The following MSL2 variants were observed in gnomAD, a reference collection of about 807,000 sequenced individuals.
MSL2 encodes MSL complex subunit 2.
A neutral mutation model predicts 35.8 loss-of-function variants in MSL2; 2 were observed. The ratio of observed to expected loss-of-function variants is 0.06; its 90% CI spans 0.02 to 0.18. The LOEUF (loss-of-function observed/expected upper bound fraction) is 0.18. MSL2 is among the 10% of genes least tolerant of loss of function. MSL2 has a pLI of 1.00. For missense variants in MSL2, 523 were observed against 706.7 expected (o/e 0.74, Z 2.95); for synonymous variants, 296 against 255.7 (o/e 1.16, Z -1.50).
chr3:136,193,633 T>C (rs192196843), intron 1 of MSL2, among the ~76,000 whole-genome samples: 32 of 150,902 alleles, frequency 2.1e-4, no homozygotes, highest in African/African-American at 7.1e-4. Context: ...GAGGTTACCA[T>C]GAAACCAGGC....
chr3:136,185,543 G>T (rs1273835822), intron 1 of MSL2, among the ~76,000 whole-genome samples: 2 of 145,550 alleles, frequency 1.4e-5, no homozygotes, highest in East Asian at 4.7e-4. Context: ...TTTTTGGAGG[G>T]GGGGGTGGGG....
At chr3:136,158,148 C>A (rs1414476439) in intron 1 of MSL2, among the ~76,000 whole-genome samples, 1 of 152,030 alleles carries the variant, frequency 6.6e-6, no homozygotes, top group East Asian at 1.9e-4. Flanking sequence ...CCCATCTCTA[C>A]TAAAAATGCA....
chr3:136,163,347 ATGTGTATTTCCTAGCACTATGTGTG>A (rs1478204663), intron 1 of MSL2, among the ~76,000 whole-genome samples: 3 of 152,212 alleles, frequency 2.0e-5, no homozygotes, highest in Admixed American at 2.0e-4. Context: ...TTAATCTTAA[ATGTGTATTTCCTAGCACTATGTGTG>A]TGTGTATTTC....
intron 1 of MSL2, among the ~76,000 whole-genome samples, chr3:136,167,877 T>C (rs1184435636): frequency 6.6e-6 from 1 of 152,042 alleles, no homozygotes; most frequent in African/African-American, 2.4e-5. Flanking sequence ...AAAATAACAG[T>C]ACAGAATCAA....
At chr3:136,159,613 G>A (rs1487857062) in intron 1 of MSL2, among the ~76,000 whole-genome samples, 3 of 150,184 alleles carry the variant, frequency 2.0e-5, no homozygotes, top group East Asian at 3.9e-4. Flanking sequence ...CTCGTGATCC[G>A]CCCGCCTCGG....
At chr3:136,188,709 G>C (rs577898938) in intron 1 of MSL2, among the ~76,000 whole-genome samples, 7 of 131,676 alleles carry the variant, frequency 5.3e-5, no homozygotes, top group African/African-American at 2.0e-4. Context: ...CTGGGGAAGA[G>C]AGCAAGACCC....
rs1266779765 is a variant in MSL2, at chr3:136,160,353, G to A, written c.143-7615C>T. On this transcript the variant is annotated intron_variant, in intron 1 of 1. Transcript: ENST00000309993. ...AGGGAAGGAAGGAGGGAGGGAGGGAGGGAGGGAGGGAGGGAGGGAGGGAGA... is the reference window on the plus strand; with the variant it reads ...AGGGAAGGAAGGAGGGAGGGAGGGAAGGAGGGAGGGAGGGAGGGAGGGAGA... Among the ~76,000 whole-genome samples the A allele has an allele frequency of 4.3e-4, 40 of 92,556 alleles. 1 individual carries two copies. Among genetic ancestry groups the A allele is most frequent in the Admixed American group, 1.4e-3 (12 of 8,526 alleles). 60.7% of individuals were successfully genotyped at this position (92,556 alleles called of 152,430 possible).
rs199530636 is a variant in MSL2, at chr3:136,151,593, T to G, written c.1288A>C (p.Lys430Gln). 1 of 1,614,238 alleles carries G rather than the reference T, an allele frequency of 6.2e-7. No individual in the cohort carries two copies. The highest frequency in any genetic ancestry group is 8.5e-7 in the Non-Finnish European group (1 of 1,180,052). Residue 430 changes from lysine (K) to glutamine (Q), a missense_variant, in exon 2 of 2, where the codon AAA becomes CAA. By Grantham distance (53) the Lys-to-Gln change is moderately conservative. This residue lies in a region of MSL2 where 361 missense variants were observed against 414.6 expected (regional missense o/e 0.87). Coordinates refer to ENST00000309993, the MANE Select transcript of MSL2 (RefSeq NM_018133.4). This position sits in a 1 kb window ranked among gnomAD's most constrained non-coding sequence, Gnocchi z 5.2. ...HSKTKPGILK[K>Q]DKAVKEKIPS... ...ATCTTTTCCTTTACTGCTTTGTCTT[T>G]TTTAAGAATACCTGGCTTGGTTTTA...
intron 1 of MSL2, 144 bp downstream of exon 1, chr3:136,194,828 G>A: frequency 1.5e-6 from 2 of 1,333,740 alleles, no homozygotes; most frequent in South Asian, 2.6e-5. Context: ...CCCTCAGCAA[G>A]TTTCAAAACT....
rs1313894119 is a variant in MSL2, at chr3:136,195,631, T to C, written c.-518A>G. 3.1e-6 allele frequency: 3 copies of C among 980,520 alleles called. No homozygotes were observed. Among genetic ancestry groups the C allele is most frequent in the Non-Finnish European group, 3.6e-6 (3 of 825,350 alleles). The allele number at this position is 980,520 out of a possible 1,614,324, so 60.7% of individuals were successfully genotyped here. A position where few individuals can be genotyped will look rare whatever the true frequency, so the allele number is the denominator to read the frequency against. On this transcript the variant is annotated 5_prime_UTR_variant, in exon 1 of 2. Transcript: ENST00000309993. Reference sequence around the variant, plus strand: ...GCGGCGGCGACGGCAAGGACGACGGTCGGGCAGCGGCTTCCCGGATCTAGT... The same window carrying C: ...GCGGCGGCGACGGCAAGGACGACGGCCGGGCAGCGGCTTCCCGGATCTAGT...
In MSL2 at chr3:136,151,030, C is replaced by T; in HGVS notation, c.*117G>A. On this transcript the variant is annotated 3_prime_UTR_variant, in exon 2 of 2. Transcript: ENST00000309993. The surrounding 1 kb of genome is among the most constrained non-coding windows in gnomAD (Gnocchi z 5.2). ...AACACATATAACTTAGCAATGAAAA[C>T]ACTTGATACAAGTGATCTATATGCA... 1 of 1,140,218 alleles carries T rather than the reference C, an allele frequency of 8.8e-7. No homozygotes were observed. Among genetic ancestry groups the T allele is most frequent in the South Asian group, 1.5e-5 (1 of 67,006 alleles). 70.6% of individuals were successfully genotyped at this position (1,140,218 alleles called of 1,614,324 possible). A position where few individuals can be genotyped will look rare whatever the true frequency, so the allele number is the denominator to read the frequency against.
intron 1 of MSL2, among the ~76,000 whole-genome samples, chr3:136,163,190 T>G (rs935067789): frequency 6.6e-6 from 1 of 151,824 alleles, no homozygotes; most frequent in African/African-American, 2.4e-5. Context: ...ACCCAGGAGG[T>G]GGAGGATGCA....
intron 1 of MSL2, chr3:136,153,185 G>C: frequency 2.2e-6 from 1 of 464,288 alleles, no homozygotes; most frequent in South Asian, 9.2e-5. Context: ...GGTGAACTAT[G>C]ATCTTGCCAC....
rs1270634184 is a variant in MSL2 at position 136,195,892 on chromosome 3, C to A, written c.-779G>T. On this transcript the variant is annotated 5_prime_UTR_variant, in exon 1 of 2. Transcript: ENST00000309993. ...GGGAGGGGGCGGGGGGCAAGCCCGGCCGGGCCGCGGCGGCGCCCCTCGCGC... is the reference window on the plus strand; with the variant it reads ...GGGAGGGGGCGGGGGGCAAGCCCGGACGGGCCGCGGCGGCGCCCCTCGCGC... 1.1e-6 allele frequency: 1 copy of A among 886,884 alleles called. No individual in the cohort carries two copies. The highest frequency in any genetic ancestry group is 1.3e-6 in the Non-Finnish European group (1 of 741,458). The allele number at this position is 886,884 out of a possible 1,614,324, so 54.9% of individuals were successfully genotyped here. A position where few individuals can be genotyped will look rare whatever the true frequency, so the allele number is the denominator to read the frequency against.
At chr3:136,154,713 C>T (rs1939470197) in intron 1 of MSL2, among the ~76,000 whole-genome samples, 1 of 152,180 alleles carries the variant, frequency 6.6e-6, no homozygotes, top group African/African-American at 2.4e-5. Flanking sequence ...GAGAATGCAA[C>T]TAAAGCAGTG....
At chr3:136,194,465 T>C (rs570300327) in intron 1 of MSL2, 30 of 985,740 alleles carry the variant, frequency 3.0e-5, no homozygotes, top group Middle Eastern at 1.0e-3. Context: ...GTCAAAGCAT[T>C]TGTGGAGGAA....
intron 1 of MSL2, among the ~76,000 whole-genome samples, chr3:136,168,886 G>C (rs1302552446): frequency 6.6e-6 from 1 of 151,740 alleles, no homozygotes; most frequent in Non-Finnish European, 1.5e-5. Flanking sequence ...TTTCCAAATG[G>C]CCCAGATAAC....
chr3:136,192,643 G>C (rs562316767), intron 1 of MSL2, among the ~76,000 whole-genome samples: 1 of 151,964 alleles, frequency 6.6e-6, no homozygotes, highest in Admixed American at 6.6e-5. Flanking sequence ...TATCAATCCA[G>C]TTAAAAGAGA....
intron 1 of MSL2, among the ~76,000 whole-genome samples, chr3:136,194,229 T>C (rs1940769448): frequency 6.6e-6 from 1 of 152,242 alleles, no homozygotes; most frequent in African/African-American, 2.4e-5. Context: ...TTATCACTTT[T>C]GAGATATTTT....
Sources: allele counts gnomAD v4.1 joint callset (sites outside exome capture counted in the v4.1 genomes callset), GRCh38; gene constraint gnomAD v4.1.1; regional missense constraint gnomAD v4.1.1; non-coding constraint Gnocchi (gnomAD v3.1); transcripts MANE v1.5; gene names NCBI Gene and HGNC (gene_info 2026-07-23, HGNC 2026-07-21).